Variants in ELF1 observed in about 807,000 individuals in gnomAD.
ELF1 encodes ETS-related transcription factor Elf-1.
In ELF1, 24 loss-of-function variants were observed where a neutral mutation model predicts 59.9. The ratio of observed to expected loss-of-function variants is 0.40; its 90% confidence interval spans 0.29 to 0.56. The LOEUF (loss-of-function observed/expected upper bound fraction) is 0.56, where lower values mean the gene tolerates loss of function less well. Ranked by LOEUF, ELF1 falls within the 20% of genes least tolerant of loss-of-function variation. The pLI is 0.44. For synonymous variants in ELF1, 248 were observed against 266.2 expected (o/e 0.93, Z 0.67); for missense variants, 627 against 742.2 (o/e 0.84, Z 1.80).
chr13:40,986,000 C>A (rs1308536158), intron 1 of ELF1, among the ~76,000 whole-genome samples: 1 of 100,744 alleles, frequency 9.9e-6, no homozygotes, highest in Non-Finnish European at 2.0e-5. Flanking sequence ...GGCATCCAGG[C>A]AGACATCTAC....
At chr13:40,999,927 T>C (rs542977697) in intron 1 of ELF1, among the ~76,000 whole-genome samples, 11 of 152,302 alleles carry the variant, frequency 7.2e-5, no homozygotes, top group South Asian at 2.1e-4. Context: ...ATAATCCTTC[T>C]TATTATTCAA....
At chr13:41,041,704 A>C (rs1279178925) in intron 1 of ELF1, among the ~76,000 whole-genome samples, 1 of 152,072 alleles carries the variant, frequency 6.6e-6, no homozygotes, top group Non-Finnish European at 1.5e-5. Context: ...CATCCAGAAG[A>C]CTTCAAAAAG....
At chr13:40,956,510 C>T (rs1195401428) in intron 3 of ELF1, among the ~76,000 whole-genome samples, 1 of 149,866 alleles carries the variant, frequency 6.7e-6, no homozygotes, top group Non-Finnish European at 1.5e-5. Flanking sequence ...GCTGACCTTC[C>T]CTCCACTATT....
chr13:40,972,221 G>C (rs894764146), intron 2 of ELF1, among the ~76,000 whole-genome samples: 1 of 152,150 alleles, frequency 6.6e-6, no homozygotes, highest in Non-Finnish European at 1.5e-5. Flanking sequence ...CTACAATAGA[G>C]TCTCTCCCAG....
At chr13:40,947,644 T>G (rs989238100) in intron 5 of ELF1, among the ~76,000 whole-genome samples, 6 of 152,198 alleles carry the variant, frequency 3.9e-5, no homozygotes, top group Non-Finnish European at 8.8e-5. Flanking sequence ...CTGTAATAAC[T>G]ATGGGGCACC....
At chr13:40,937,488 G>T (rs1869858375) in intron 8 of ELF1, among the ~76,000 whole-genome samples, 1 of 152,134 alleles carries the variant, frequency 6.6e-6, no homozygotes, top group African/African-American at 2.4e-5. Flanking sequence ...AATTTTTTTT[G>T]AGACAGAGTC....
rs1476777066 is a variant in ELF1, at chr13:40,955,976, C to T, written c.253+2860G>A. ...GGGGGTCAGCCCCCCGCCCGGCCAG[C>T]CGCCCCGTCCAGGAGGTGAGGGGCG... On this transcript the variant is annotated intron_variant, in intron 3 of 8. Transcript: ENST00000239882. Among the ~76,000 whole-genome samples, 24 of 139,948 alleles carry T rather than the reference C, an allele frequency of 1.7e-4. 1 individual carries two copies. The highest frequency in any genetic ancestry group is 2.8e-4 in the Admixed American group (4 of 14,392). 91.8% of individuals were successfully genotyped at this position (139,948 alleles called of 152,430 possible).
chr13:40,941,556 T>C (rs990383887), intron 7 of ELF1, among the ~76,000 whole-genome samples, 186 bp from the exon 8 acceptor site: 11 of 152,230 alleles, frequency 7.2e-5, no homozygotes, highest in African/African-American at 2.7e-4. Flanking sequence ...AGAGATAAGT[T>C]CTTATTACCA....
intron 1 of ELF1, among the ~76,000 whole-genome samples, chr13:41,014,283 G>A (rs963001369): frequency 2.0e-5 from 3 of 152,094 alleles, no homozygotes; most frequent in Non-Finnish European, 2.9e-5. Context: ...TATAAAAATT[G>A]TTAAACCAAT....
At chr13:40,937,158 ACTGTCAGTTGCGT>A (rs950167479) in intron 8 of ELF1, among the ~76,000 whole-genome samples, 1 of 152,216 alleles carries the variant, frequency 6.6e-6, no homozygotes, top group African/African-American at 2.4e-5. Flanking sequence ...TAATGATTAA[ACTGTCAGTTGCGT>A]CTGGTTGTAT....
intron 2 of ELF1, among the ~76,000 whole-genome samples, chr13:40,977,005 G>A (rs1425853424): frequency 2.6e-5 from 4 of 151,928 alleles, no homozygotes; most frequent in South Asian, 4.2e-4. Context: ...TCTCTCTAGT[G>A]ACTTAAGTCT....
intron 2 of ELF1, among the ~76,000 whole-genome samples, chr13:40,960,088 A>C (rs1366710207): frequency 2.0e-5 from 3 of 152,190 alleles, no homozygotes; most frequent in African/African-American, 7.2e-5. Context: ...ATGTGTTTGA[A>C]AGTGTTAGAC....
chr13:41,060,883 A>ACCGCCG (rs761575581), exon 1 of ELF1: 2 of 339,688 alleles, frequency 5.9e-6, no homozygotes, highest in African/African-American at 2.4e-5. Flanking sequence ...ACCTCTCGCC[A>ACCGCCG]CCGCCGCCTC....
At chr13:40,954,200 A>G (rs1022379037) in intron 3 of ELF1, among the ~76,000 whole-genome samples, 1 of 152,228 alleles carries the variant, frequency 6.6e-6, no homozygotes, top group Non-Finnish European at 1.5e-5. Flanking sequence ...GTTTGCTCTG[A>G]ACAAAAAATG....
chr13:40,972,160 C>T (rs1324784859), intron 2 of ELF1, among the ~76,000 whole-genome samples: 1 of 152,052 alleles, frequency 6.6e-6, no homozygotes, highest in South Asian at 2.1e-4. Flanking sequence ...ACAATATGTA[C>T]ACAGCAAAGA....
At position 40,941,018 on chromosome 13, in the gene ELF1, G is replaced by C. The variant is rs779369118; in HGVS notation, c.1159C>G (p.His387Asp). The change falls in exon 8 of 9, where the codon CAT becomes GAT. Residue 387 changes from histidine to aspartate, a missense_variant. Physicochemically the swap from His to Asp is moderately conservative, Grantham distance 81. This residue lies in a region of ELF1 where 361 missense variants were observed against 396.1 expected (regional missense o/e 0.91). Coordinates refer to ENST00000239882, the MANE Select transcript of ELF1 (RefSeq NM_172373.4). ...ACAGCCTGTACTGGCTGTACTACAT[G>C]AACAGTCCGGAAGAGCTGGGTAGGA... ...PYPTQLFRTV[H>D]VVQPVQAVPE... is the part of the protein sequence containing the mutation. 3 of 1,614,046 alleles carry C rather than the reference G, an allele frequency of 1.9e-6. No homozygotes were observed. The highest frequency in any genetic ancestry group is 1.7e-5 in the Admixed American group (1 of 59,998).
intron 2 of ELF1, among the ~76,000 whole-genome samples, chr13:40,965,997 C>T (rs1302333547): frequency 6.6e-6 from 1 of 152,240 alleles, no homozygotes; most frequent in Non-Finnish European, 1.5e-5. Context: ...AGAATGACAA[C>T]ATTCAAAACT....
chr13:40,993,385 G>A lies in ELF1; in HGVS notation c.-228-11103C>T, dbSNP rs146732624. 4.8e-4 allele frequency: 435 copies of A among 899,950 alleles called. 3 individuals are homozygous for A. The African/African-American group carries it at 5.5e-3, about 11-fold the overall frequency. 55.7% of individuals were successfully genotyped at this position (899,950 alleles called of 1,614,324 possible). A position where few individuals can be genotyped will look rare whatever the true frequency, so the allele number is the denominator to read the frequency against. Reference sequence around the variant, plus strand: ...TGCCTGCAGGTGTGGGCAGTGCACCGATGGGTCTGGGGGGAGCGGGGCTGG... The same window carrying A: ...TGCCTGCAGGTGTGGGCAGTGCACCAATGGGTCTGGGGGGAGCGGGGCTGG... On this transcript the variant is annotated intron_variant, in intron 1 of 8. Coordinates refer to ENST00000239882, the MANE Select transcript of ELF1 (RefSeq NM_172373.4).
intron 1 of ELF1, among the ~76,000 whole-genome samples, chr13:41,006,803 G>T (rs79739393): frequency 6.6e-6 from 1 of 151,912 alleles, no homozygotes; most frequent in African/African-American, 2.4e-5. Flanking sequence ...ACATTAATTC[G>T]AATTAATTAT....
Sources: gnomAD v4.1 joint callset for allele counts (sites outside exome capture counted in the v4.1 genomes callset) on GRCh38, gnomAD v4.1.1 for gene constraint, gnomAD v4.1.1 regional missense constraint, MANE v1.5 for transcripts, NCBI Gene and HGNC (gene_info 2026-07-23, HGNC 2026-07-21) for gene names.